The following SNX13 variants were observed in gnomAD, a reference collection of about 807,000 sequenced individuals.
The protein encoded by SNX13 is sorting nexin-13.
SNX13 carries 45 observed loss-of-function variants against 133.6 expected under a neutral mutation model. That is an observed-to-expected ratio of 0.34 (90% CI 0.27 to 0.43). The LOEUF is 0.43. Ranked by LOEUF, SNX13 falls within the 20% of genes least tolerant of loss-of-function variation. The pLI is 1.00. For synonymous variants in SNX13, 414 were observed against 373.9 expected (o/e 1.11, Z -1.24); for missense variants, 1,032 against 1,145.1 (o/e 0.90, Z 1.43).
chr7:17,809,606 T>C (rs1254914971), intron 20 of SNX13, among the ~76,000 whole-genome samples: 1 of 152,184 alleles, frequency 6.6e-6, no homozygotes, highest in Non-Finnish European at 1.5e-5. Flanking sequence ...AACTCAGCTG[T>C]GGACCAAGCG....
At chr7:17,875,238 G>T (rs1034190341) in intron 7 of SNX13, among the ~76,000 whole-genome samples, 1 of 151,968 alleles carries the variant, frequency 6.6e-6, no homozygotes, top group African/African-American at 2.4e-5. Flanking sequence ...AAAATGATGG[G>T]ATTACAGGCA....
intron 13 of SNX13, among the ~76,000 whole-genome samples, chr7:17,837,425 C>A (rs768458024): frequency 3.6e-4 from 55 of 152,040 alleles, no homozygotes; most frequent in Non-Finnish European, 5.4e-4. Flanking sequence ...TAGGTGTGAG[C>A]CACTGCACCT....
chr7:17,934,061 T>C (rs1016053684), intron 1 of SNX13, among the ~76,000 whole-genome samples: 5 of 152,198 alleles, frequency 3.3e-5, no homozygotes, highest in South Asian at 2.1e-4. Flanking sequence ...TTGCCATATG[T>C]ATAATTTGTT....
chr7:17,805,251 G>GCGCGCA (rs1554304143), intron 20 of SNX13, among the ~76,000 whole-genome samples: 3 of 71,874 alleles, frequency 4.2e-5, no homozygotes, highest in Non-Finnish European at 9.3e-5. Context: ...GTGTGTGTGT[G>GCGCGCA]CGTGCGCGCG....
At chr7:17,814,655 T>G (rs1482724452) in intron 20 of SNX13, among the ~76,000 whole-genome samples, 179 bp downstream of exon 20, 2 of 152,120 alleles carry the variant, frequency 1.3e-5, no homozygotes, top group Non-Finnish European at 2.9e-5. Flanking sequence ...ATAATCAACA[T>G]GTCAAGACAG....
chr7:17,925,161 C>T (rs1201809121), intron 1 of SNX13, among the ~76,000 whole-genome samples: 15 of 152,116 alleles, frequency 9.9e-5, no homozygotes, highest in Admixed American at 9.8e-4. Context: ...TTTCAGTGAG[C>T]CGATATCATG....
At chr7:17,846,196 T>C (rs983615552) in intron 11 of SNX13, among the ~76,000 whole-genome samples, 2 of 151,918 alleles carry the variant, frequency 1.3e-5, no homozygotes, top group Non-Finnish European at 2.9e-5. Context: ...AAACAGTGAA[T>C]TTCAGACATA....
chr7:17,879,197 T>A (rs540569250), intron 5 of SNX13, among the ~76,000 whole-genome samples: 2 of 152,322 alleles, frequency 1.3e-5, no homozygotes, highest in Admixed American at 1.3e-4. Flanking sequence ...TTTTTGTTTG[T>A]TCATTTTGTT....
chr7:17,906,111 A>G (rs368565012), intron 1 of SNX13, among the ~76,000 whole-genome samples: 1 of 152,242 alleles, frequency 6.6e-6, no homozygotes, highest in South Asian at 2.1e-4. Flanking sequence ...AAAACCATAT[A>G]TAAATAATCA....
chr7:17,819,527 T>A (rs1220711311), intron 18 of SNX13, among the ~76,000 whole-genome samples: 1 of 152,128 alleles, frequency 6.6e-6, no homozygotes, highest in Non-Finnish European at 1.5e-5. Flanking sequence ...GCGCTTGGCA[T>A]TGGAAAAAAT....
Position 17,803,613 on chromosome 7 carries a change from T to G in SNX13, c.2065-33A>C, listed in dbSNP as rs1294068247. On this transcript the variant is annotated intron_variant, in intron 20 of 25. Coordinates refer to ENST00000428135, the MANE Select transcript of SNX13 (RefSeq NM_015132.5). Reference sequence around the variant, plus strand: ...GAAAAAAGATATTATACCATGACTTTATTGTACCAGAGTTGTTATCCAAAT... The same window carrying G: ...GAAAAAAGATATTATACCATGACTTGATTGTACCAGAGTTGTTATCCAAAT... The G allele has an allele frequency of 3.2e-6, 5 of 1,558,770 alleles. No individual in the cohort carries two copies. The African/African-American group carries it at 6.8e-5, about 21-fold the overall frequency.
chr7:17,935,666 C>T (rs977179877), intron 1 of SNX13, among the ~76,000 whole-genome samples: 1 of 151,906 alleles, frequency 6.6e-6, no homozygotes. Flanking sequence ...ATCAATATTC[C>T]TCTTGGTTTG....
At chr7:17,931,983 A>C (rs1327708939) in intron 1 of SNX13, among the ~76,000 whole-genome samples, 1 of 152,210 alleles carries the variant, frequency 6.6e-6, no homozygotes, top group African/African-American at 2.4e-5. Context: ...CTCCTTAAAA[A>C]TGGACCCCCA....
rs1783589369 is a variant in SNX13, at chr7:17,791,963, T to TA, written c.*2081_*2082insT. The TA allele has an allele frequency of 6.6e-6, 1 of 152,106 alleles. No homozygotes were observed. Among genetic ancestry groups the TA allele is most frequent in the East Asian group, 1.9e-4 (1 of 5,200 alleles). 9.4% of individuals were successfully genotyped at this position (152,106 alleles called of 1,614,324 possible). ...TTAAAAATCCATTTACTCAAATAGTTTTTGGTATGATTGCAGTTATCTTGC... is the reference window on the plus strand; with the variant it reads ...TTAAAAATCCATTTACTCAAATAGTTATTTGGTATGATTGCAGTTATCTTGC... On this transcript the variant is annotated 3_prime_UTR_variant, in exon 26 of 26. Transcript: ENST00000428135.
chr7:17,800,694 C>T (rs184225370), intron 22 of SNX13, among the ~76,000 whole-genome samples: 1 of 151,672 alleles, frequency 6.6e-6, no homozygotes, highest in Non-Finnish European at 1.5e-5. Flanking sequence ...AGCACTCCTA[C>T]TAATCAAAAG....
chr7:17,897,631 T>C (rs987134125), intron 1 of SNX13, among the ~76,000 whole-genome samples, 185 bp from the exon 2 acceptor site: 7 of 152,104 alleles, frequency 4.6e-5, no homozygotes, highest in African/African-American at 1.7e-4. Context: ...ATATACAAAA[T>C]TTATATGTAT....
intron 4 of SNX13, among the ~76,000 whole-genome samples, 193 bp from the exon 5 acceptor site, chr7:17,890,677 C>A (rs1026852723): frequency 6.6e-6 from 1 of 151,548 alleles, no homozygotes; most frequent in South Asian, 2.1e-4. Flanking sequence ...TTAAATTATT[C>A]TGGTATCCCA....
chr7:17,830,624 T>A lies in SNX13; in HGVS notation c.1598-577A>T, dbSNP rs1788384446. 4.1e-6 allele frequency: 4 copies of A among 983,982 alleles called. No individual in the cohort carries two copies. The Admixed American group carries it at 2.5e-4, about 61-fold the overall frequency. 61.0% of individuals were successfully genotyped at this position (983,982 alleles called of 1,614,324 possible). On this transcript the variant is annotated intron_variant, in intron 15 of 25. Coordinates refer to ENST00000428135, the MANE Select transcript of SNX13 (RefSeq NM_015132.5). ...AAACTGCATATGCAATTCCATTTCA[T>A]TAAAAAGCAACTAGGACAAATTAAT...
At chr7:17,890,529 TA>T (rs1301047233) in intron 4 of SNX13, 45 bp from the exon 5 acceptor site, 2 of 1,465,930 alleles carry the variant, frequency 1.4e-6, no homozygotes, top group East Asian at 4.7e-5. Flanking sequence ...TTTTAGGATT[TA>T]AAAAGTTACA....
Sources: allele counts gnomAD v4.1 joint callset (sites outside exome capture counted in the v4.1 genomes callset), GRCh38; gene constraint gnomAD v4.1.1; transcripts MANE v1.5; gene names NCBI Gene and HGNC (gene_info 2026-07-23, HGNC 2026-07-21).